The following ASTN1 variants were observed in gnomAD, a reference collection of about 807,000 sequenced individuals.
ASTN1 encodes astrotactin 1, also known as astrotactin-1.
In ASTN1, 41 loss-of-function variants were observed where a neutral mutation model predicts 140.7. That is an observed-to-expected ratio of 0.29 (90% CI 0.23 to 0.38). ASTN1 has a LOEUF of 0.38. Among genes scored for constraint, ASTN1 ranks in the 10% least tolerant of loss-of-function variants. The pLI, the probability that ASTN1 is intolerant of heterozygous loss-of-function variation, is 1.00. For missense variants in ASTN1, 1,479 were observed against 1,678.8 expected (o/e 0.88, Z 2.08); for synonymous variants, 640 against 652.2 (o/e 0.98, Z 0.29).
chr1:176,945,564 A>G (rs898417667), intron 13 of ASTN1, among the ~76,000 whole-genome samples: 2 of 152,172 alleles, frequency 1.3e-5, no homozygotes, highest in Admixed American at 1.3e-4. Flanking sequence ...ACCCTTAGGT[A>G]TCCTTGGATG....
At chr1:177,124,306 C>G (rs1681539666) in intron 1 of ASTN1, among the ~76,000 whole-genome samples, 1 of 152,170 alleles carries the variant, frequency 6.6e-6, no homozygotes, top group Non-Finnish European at 1.5e-5. Context: ...CAAGAAGCAT[C>G]TGGAAGATAA....
intron 14 of ASTN1, among the ~76,000 whole-genome samples, chr1:176,941,317 G>A (rs1455381312): frequency 6.6e-6 from 1 of 152,130 alleles, no homozygotes; most frequent in Admixed American, 6.5e-5. Flanking sequence ...TGTGACCTTG[G>A]CTTAACTGGT....
chr1:177,029,722 G>T lies in ASTN1; in HGVS notation c.1032C>A (p.Asn344Lys). The T allele has an allele frequency of 1.2e-6, 2 of 1,612,490 alleles. No individual in the cohort carries two copies. Among genetic ancestry groups the T allele is most frequent in the Non-Finnish European group, 1.7e-6 (2 of 1,179,164 alleles). ...CCTCTGTGCCAGAATCCCCTTCAGG[G>T]TTCAAGAAGGCGGAACCAGCTGTAA... ...NKARAGSAFL[N>K]PEGDSGTEAE... Residue 344 changes from asparagine (N) to lysine (K), a missense_variant, in exon 5 of 23, where the codon AAC (asparagine) becomes AAA (lysine). Asn to Lys is a moderately conservative substitution (Grantham distance 94, BLOSUM62 0). Transcript: ENST00000361833.
intron 16 of ASTN1, among the ~76,000 whole-genome samples, chr1:176,925,770 G>C (rs72718659): frequency 0.12 from 17,689 of 151,378 alleles, 1,320 homozygotes; most frequent in Admixed American, 0.18. Context: ...AGGCTAAAAG[G>C]CAAGAAGTGA....
chr1:176,969,335 C>CATG (rs1673031402), intron 8 of ASTN1, among the ~76,000 whole-genome samples: 1 of 152,142 alleles, frequency 6.6e-6, no homozygotes. Flanking sequence ...GAGATGGCCC[C>CATG]TAGCCGTATG....
At chr1:176,893,544 G>A (rs1184499390) in intron 17 of ASTN1, among the ~76,000 whole-genome samples, 1 of 152,198 alleles carries the variant, frequency 6.6e-6, no homozygotes. Flanking sequence ...GAGGCAGGTA[G>A]GCGAGAGAAA....
chr1:176,929,012 C>T (rs1671089083), intron 16 of ASTN1, among the ~76,000 whole-genome samples: 1 of 152,142 alleles, frequency 6.6e-6, no homozygotes, highest in African/African-American at 2.4e-5. Flanking sequence ...TGACCTTGGA[C>T]TTAAGCAGGA....
chr1:176,924,126 C>T (rs567103891), intron 16 of ASTN1, among the ~76,000 whole-genome samples: 3 of 152,270 alleles, frequency 2.0e-5, no homozygotes, highest in Non-Finnish European at 2.9e-5. Flanking sequence ...ACAAATTGGC[C>T]CCATTTTAGC....
At position 177,048,545 on chromosome 1, in the gene ASTN1, C is replaced by A. The variant is rs113725177; in HGVS notation, c.471+12533G>T. Among the ~76,000 whole-genome samples the A allele has an allele frequency of 6.2e-4, 95 of 152,320 alleles. 1 individual carries two copies. The highest frequency in any genetic ancestry group is 2.1e-3 in the African/African-American group (89 of 41,580). On this transcript the variant is annotated intron_variant, in intron 2 of 22. Transcript: ENST00000361833. ...GCTAGACCTGCCAAGAATCACTCTG[C>A]CTCCGGCTTTACCTGAGTCATTTTA...
At chr1:177,148,483 T>A (rs531787273) in intron 1 of ASTN1, among the ~76,000 whole-genome samples, 1 of 151,348 alleles carries the variant, frequency 6.6e-6, no homozygotes, top group South Asian at 2.1e-4. Context: ...GCTAGAGAGG[T>A]AGGAATCAGT....
At chr1:176,997,724 C>A (rs926675787) in intron 8 of ASTN1, among the ~76,000 whole-genome samples, 1 of 152,034 alleles carries the variant, frequency 6.6e-6, no homozygotes, top group African/African-American at 2.4e-5. Context: ...CAGGTCAAGA[C>A]AAGGGATAGA....
At chr1:176,920,225 TG>T (rs1221001235) in intron 16 of ASTN1, among the ~76,000 whole-genome samples, 1 of 152,180 alleles carries the variant, frequency 6.6e-6, no homozygotes, top group Non-Finnish European at 1.5e-5. Flanking sequence ...TTTCTAATTA[TG>T]GTGGGCTTTA....
intron 1 of ASTN1, among the ~76,000 whole-genome samples, chr1:177,119,406 C>G (rs1681264722): frequency 6.6e-6 from 1 of 152,188 alleles, no homozygotes; most frequent in African/African-American, 2.4e-5. Context: ...GGAAACAAAA[C>G]TTCCCCTATA....
intron 2 of ASTN1, among the ~76,000 whole-genome samples, chr1:177,033,227 G>A (rs1337978581): frequency 1.3e-5 from 2 of 151,630 alleles, no homozygotes; most frequent in Non-Finnish European, 2.9e-5. Context: ...CATAACGCTG[G>A]TTTCAGGACT....
At chr1:176,928,058 T>C (rs1461792759) in intron 16 of ASTN1, among the ~76,000 whole-genome samples, 1 of 150,798 alleles carries the variant, frequency 6.6e-6, no homozygotes, top group Non-Finnish European at 1.5e-5. Context: ...CAAACTCATA[T>C]ACATATATAA....
At chr1:176,945,034 C>T (rs1671892837) in intron 13 of ASTN1, among the ~76,000 whole-genome samples, 1 of 152,146 alleles carries the variant, frequency 6.6e-6, no homozygotes, top group African/African-American at 2.4e-5. Flanking sequence ...CTGACATCCT[C>T]CTCCTCTTCC....
chr1:177,048,573 G>C (rs954783396), intron 2 of ASTN1, among the ~76,000 whole-genome samples: 4 of 152,152 alleles, frequency 2.6e-5, no homozygotes, highest in Non-Finnish European at 4.4e-5. Context: ...TCATTTTAGG[G>C]AGGAGGATAA....
downstream of ASTN1, chr1:176,857,457 C>A: frequency 2.5e-6 from 1 of 407,484 alleles, no homozygotes; most frequent in South Asian, 1.2e-4. Flanking sequence ...TAGGAGCAAC[C>A]TATCAGATTA....
At chr1:176,882,129 G>T (rs1290935774) in intron 20 of ASTN1, among the ~76,000 whole-genome samples, 1 of 152,186 alleles carries the variant, frequency 6.6e-6, no homozygotes, top group African/African-American at 2.4e-5. Context: ...GAGAAATGGG[G>T]AAGAGTTCGC....
Sources: gnomAD v4.1 joint callset for allele counts (sites outside exome capture counted in the v4.1 genomes callset) on GRCh38, gnomAD v4.1.1 for gene constraint, MANE v1.5 for transcripts, NCBI Gene and HGNC (gene_info 2026-07-23, HGNC 2026-07-21) for gene names.